Variants in SIL1 observed in about 807,000 individuals in gnomAD.
SIL1 encodes the protein nucleotide exchange factor SIL1.
In SIL1, 40 loss-of-function variants were observed where a neutral mutation model predicts 49.1. The observed-to-expected ratio is 0.81, with a 90% CI of 0.63 to 1.06. The LOEUF (loss-of-function observed/expected upper bound fraction) is 1.06, where lower values mean the gene tolerates loss of function less well. SIL1 is among the 50% of genes least tolerant of loss of function. The pLI, the probability that SIL1 is intolerant of heterozygous loss-of-function variation, is 0.00. For synonymous variants in SIL1, 253 were observed against 250.8 expected (o/e 1.01, Z -0.08); for missense variants, 500 against 572.6 (o/e 0.87, Z 1.29).
chr5:139,010,019 G>T (rs1768217428), intron 7 of SIL1, among the ~76,000 whole-genome samples: 1 of 151,824 alleles, frequency 6.6e-6, no homozygotes, highest in Non-Finnish European at 1.5e-5. Flanking sequence ...TGCCTTGCTA[G>T]ATTGGGGAAG....
intron 7 of SIL1, among the ~76,000 whole-genome samples, chr5:138,970,218 G>A (rs1015475628): frequency 6.6e-6 from 1 of 152,230 alleles, no homozygotes; most frequent in Non-Finnish European, 1.5e-5. Context: ...AAGGCAGGCT[G>A]GGAGACCCAG....
intron 7 of SIL1, among the ~76,000 whole-genome samples, chr5:138,993,784 A>G (rs1358639576): frequency 1.3e-5 from 2 of 152,158 alleles, no homozygotes; most frequent in South Asian, 2.1e-4. Flanking sequence ...TTAAAAGGAA[A>G]TGCTTCCCAG....
chr5:139,038,860 C>G (rs902988882), intron 5 of SIL1, among the ~76,000 whole-genome samples: 3 of 152,224 alleles, frequency 2.0e-5, no homozygotes, highest in Non-Finnish European at 2.9e-5. Flanking sequence ...TGTCTCACTG[C>G]CTCCAAGTTG....
intron 3 of SIL1, among the ~76,000 whole-genome samples, chr5:139,110,460 T>C (rs750204416): frequency 2.0e-4 from 30 of 152,250 alleles, no homozygotes; most frequent in Middle Eastern, 3.4e-3. Context: ...ACACAAACCA[T>C]AAACAGACTG....
chr5:138,951,422 A>C lies in SIL1; in HGVS notation c.865-87T>G. On this transcript the variant is annotated intron_variant, in intron 8 of 9. Transcript: ENST00000394817. ...AGGGAAGGCAGGCAGAGGTGCCCCA[A>C]ATTAGTCCCCATTCCTCCCGGCCCC... 3 of 1,379,964 alleles carry C rather than the reference A, an allele frequency of 2.2e-6. No homozygotes were observed. In the South Asian group the frequency reaches 3.9e-5, roughly 18 times the overall value. The allele number at this position is 1,379,964 out of a possible 1,614,324, so 85.5% of individuals were successfully genotyped here.
At chr5:139,061,798 G>A (rs773415467) in intron 3 of SIL1, among the ~76,000 whole-genome samples, 6 of 152,122 alleles carry the variant, frequency 3.9e-5, no homozygotes, top group Admixed American at 1.3e-4. Flanking sequence ...AAAAACTCCC[G>A]GTTATGCTGA....
At chr5:139,155,132 T>C (rs190656155) in intron 1 of SIL1, among the ~76,000 whole-genome samples, 1 of 152,352 alleles carries the variant, frequency 6.6e-6, no homozygotes, top group Admixed American at 6.5e-5. Flanking sequence ...GTTATAGTTA[T>C]CCACAGGAAA....
chr5:139,128,492 C>A (rs533802863), intron 1 of SIL1, among the ~76,000 whole-genome samples: 1 of 151,522 alleles, frequency 6.6e-6, no homozygotes, highest in East Asian at 1.9e-4. Flanking sequence ...ATTAAAAAAA[C>A]AAAAAAATTA....
intron 1 of SIL1, among the ~76,000 whole-genome samples, chr5:139,194,903 G>A (rs1752235997): frequency 6.7e-6 from 1 of 149,922 alleles, no homozygotes; most frequent in Non-Finnish European, 1.5e-5. Context: ...CACCTATTTC[G>A]AAAAAGGTAC....
intron 1 of SIL1, among the ~76,000 whole-genome samples, chr5:139,137,662 T>C (rs1333003019): frequency 6.6e-6 from 1 of 151,434 alleles, no homozygotes; most frequent in Non-Finnish European, 1.5e-5. Context: ...GTATATCTCC[T>C]AATGCTATCC....
At chr5:139,087,007 T>C (rs1194273481) in intron 3 of SIL1, among the ~76,000 whole-genome samples, 1 of 151,568 alleles carries the variant, frequency 6.6e-6, no homozygotes, top group Non-Finnish European at 1.5e-5. Context: ...TTAAAAAAAT[T>C]ATATAAATAG....
intron 8 of SIL1, 50 bp downstream of exon 8, chr5:138,951,738 C>T: frequency 6.5e-7 from 1 of 1,533,466 alleles, no homozygotes; most frequent in Non-Finnish European, 9.0e-7. Flanking sequence ...TCCTTTCAGG[C>T]CCCACACGTG....
intron 7 of SIL1, among the ~76,000 whole-genome samples, chr5:138,975,876 T>A (rs1405653164): frequency 6.6e-6 from 1 of 152,196 alleles, no homozygotes; most frequent in African/African-American, 2.4e-5. Flanking sequence ...CTGCCTACAT[T>A]TCCAAATTCC....
intron 3 of SIL1, among the ~76,000 whole-genome samples, chr5:139,116,529 C>T (rs1770992674): frequency 1.3e-5 from 2 of 152,220 alleles, no homozygotes; most frequent in African/African-American, 2.4e-5. Flanking sequence ...ATGAGCAGAA[C>T]AAGGGGCCCT....
chr5:139,155,427 T>C (rs991800973), intron 1 of SIL1: 3 of 92,556 alleles, frequency 3.2e-5, no homozygotes, highest in South Asian at 4.5e-4. Flanking sequence ...TTCCTCAGTA[T>C]ACACACACAC....
At chr5:139,148,503 G>A (rs181269842) in intron 1 of SIL1, among the ~76,000 whole-genome samples, 29 of 152,336 alleles carry the variant, frequency 1.9e-4, no homozygotes, top group Admixed American at 1.6e-3. Context: ...GCTGTAAGGG[G>A]ATGACATGCC....
chr5:139,191,798 C>G (rs920525284), intron 1 of SIL1, among the ~76,000 whole-genome samples: 2 of 151,654 alleles, frequency 1.3e-5, no homozygotes, highest in Non-Finnish European at 2.9e-5. Flanking sequence ...TAAAAAGGGC[C>G]AGGCACAGTG....
chr5:139,142,931 G>A (rs1276116788), intron 1 of SIL1, among the ~76,000 whole-genome samples: 2 of 151,952 alleles, frequency 1.3e-5, no homozygotes, highest in Non-Finnish European at 2.9e-5. Context: ...ACCACGCCTG[G>A]CTAATTTTTT....
intron 1 of SIL1, among the ~76,000 whole-genome samples, chr5:139,134,520 C>T (rs1750934310): frequency 6.6e-6 from 1 of 151,980 alleles, no homozygotes; most frequent in Non-Finnish European, 1.5e-5. Context: ...CTCTCCAAAG[C>T]TCCTGCTCCC....
Sources: gnomAD v4.1 joint callset for allele counts (sites outside exome capture counted in the v4.1 genomes callset) on GRCh38, gnomAD v4.1.1 for gene constraint, MANE v1.5 for transcripts, NCBI Gene and HGNC (gene_info 2026-07-23, HGNC 2026-07-21) for gene names.